NOSTRIN: variants seen among roughly 807,000 people sequenced by gnomAD.
The protein encoded by NOSTRIN is BM247 homolog.
Under a neutral mutation model 59.0 loss-of-function variants are expected in NOSTRIN, and 63 were observed. That is an observed-to-expected ratio of 1.07 (90% CI 0.87 to 1.32). The LOEUF is 1.32. Ranked by LOEUF, NOSTRIN falls within the 40% of genes most tolerant of loss-of-function variation. The probability of loss-of-function intolerance (pLI) is 0.00; values close to 1 mark genes in which losing one functional copy is unlikely to be tolerated. For missense variants in NOSTRIN, 512 were observed against 473.1 expected (o/e 1.08, Z -0.76); for synonymous variants, 200 against 165.4 (o/e 1.21, Z -1.61).
At chr2:168,856,905 G>A (rs1689159461) in intron 12 of NOSTRIN, 127 bp downstream of exon 12, 3 of 775,282 alleles carry the variant, frequency 3.9e-6, no homozygotes, top group Non-Finnish European at 6.4e-6. Flanking sequence ...TCTAGTGGGG[G>A]AGCTTATAGG....
intron 2 of NOSTRIN, among the ~76,000 whole-genome samples, chr2:168,814,433 G>T (rs146534884): frequency 4.6e-5 from 7 of 152,292 alleles, no homozygotes; most frequent in African/African-American, 1.4e-4. Context: ...CTAGAAATGC[G>T]CCTTGCCCTT....
At chr2:168,832,879 C>T (rs1215508676) in intron 6 of NOSTRIN, among the ~76,000 whole-genome samples, 2 of 152,078 alleles carry the variant, frequency 1.3e-5, no homozygotes, top group East Asian at 1.9e-4. Context: ...ACCTTGGCTT[C>T]CTAAAGTGTA....
intron 15 of NOSTRIN, chr2:168,863,410 G>T: frequency 2.0e-6 from 2 of 984,882 alleles, no homozygotes; most frequent in Non-Finnish European, 2.4e-6. Flanking sequence ...GTGAAAGGAA[G>T]ACTGAAAAAT....
rs780555701 is a variant in NOSTRIN at position 168,859,532 on chromosome 2, T to C, written c.1074T>C (p.Leu358=). Reference sequence around the variant, plus strand: ...CACAGAACAATTTGAAACTAGACCTTTTGGAAGCGAACTCCTACAAACTGT... The same window carrying C: ...CACAGAACAATTTGAAACTAGACCTCTTGGAAGCGAACTCCTACAAACTGT... ...LMDENNLKLD[L]LEANSYKLSS... is the part of the protein sequence containing the mutation. Residue 358 remains leucine, a synonymous_variant, in exon 13 of 16, where the codon CTT becomes CTC. Transcript: ENST00000317647. 2 of 1,614,054 alleles carry C rather than the reference T, an allele frequency of 1.2e-6. No individual in the cohort carries two copies. Among genetic ancestry groups the C allele is most frequent in the Non-Finnish European group, 1.7e-6 (2 of 1,179,976 alleles).
intron 7 of NOSTRIN, among the ~76,000 whole-genome samples, chr2:168,840,926 A>G (rs1035684923): frequency 6.6e-6 from 1 of 152,162 alleles, no homozygotes; most frequent in African/African-American, 2.4e-5. Context: ...TGTAATTTTT[A>G]CAAGCATTTC....
At chr2:168,860,997 A>G in intron 14 of NOSTRIN, 88 bp downstream of exon 14, 1 of 804,362 alleles carries the variant, frequency 1.2e-6, no homozygotes, top group Non-Finnish European at 2.2e-6. Context: ...AGCCACTTTG[A>G]CCTGTATCTG....
intron 2 of NOSTRIN, among the ~76,000 whole-genome samples, chr2:168,819,786 G>T (rs189012850): frequency 2.0e-5 from 3 of 152,234 alleles, no homozygotes; most frequent in Admixed American, 2.0e-4. Flanking sequence ...GCAGAGAAAG[G>T]GTACAATCGT....
At chr2:168,806,156 C>A (rs1366984872) in intron 1 of NOSTRIN, among the ~76,000 whole-genome samples, 1 of 152,118 alleles carries the variant, frequency 6.6e-6, no homozygotes, top group Non-Finnish European at 1.5e-5. Flanking sequence ...TCAGAACTCA[C>A]ATGATATCAG....
intron 2 of NOSTRIN, 44 bp downstream of exon 2, chr2:168,811,696 T>C: frequency 1.3e-6 from 1 of 770,866 alleles, no homozygotes; most frequent in South Asian, 1.6e-5. Flanking sequence ...CCTCTTTAGT[T>C]GTAGCAAGTG....
At chr2:168,799,446 C>T (rs1465854011), upstream of NOSTRIN, among the ~76,000 whole-genome samples, 1 of 152,186 alleles carries the variant, frequency 6.6e-6, no homozygotes, top group Admixed American at 6.5e-5. Flanking sequence ...TTCTCACATG[C>T]TCGGGGACAA....
Position 168,827,335 on chromosome 2 carries a change from C to G in NOSTRIN, c.198-823C>G, listed in dbSNP as rs1020586532. On this transcript the variant is annotated intron_variant, in intron 3 of 15. Coordinates refer to ENST00000317647, the MANE Select transcript of NOSTRIN (RefSeq NM_001039724.4). ...TCCTTTGTGTTAAAGTGAGATACTG[C>G]TCATGGGACCATTAACTATCTGAGC... Among the ~76,000 whole-genome samples, 8 of 152,262 alleles carry G rather than the reference C, an allele frequency of 5.3e-5. No individual in the cohort carries two copies. In the East Asian group the frequency reaches 1.4e-3, roughly 26 times the overall value.
chr2:168,836,496 C>CG (rs956245356), intron 7 of NOSTRIN, among the ~76,000 whole-genome samples: 3 of 152,152 alleles, frequency 2.0e-5, no homozygotes, highest in African/African-American at 4.8e-5. Context: ...AACACCCAAG[C>CG]GGGGGGCATT....
Position 168,859,575 on chromosome 2 carries a change from C to T in NOSTRIN, c.1117C>T (p.Leu373Phe). 5 of 1,614,110 alleles carry T rather than the reference C, an allele frequency of 3.1e-6. No homozygotes were observed. Among genetic ancestry groups the T allele is most frequent in the Non-Finnish European group, 3.4e-6 (4 of 1,180,010 alleles). ...CAAACTGTCATCAATGTTAGCAGAA[C>T]TTGAGCAAAGACCTCAACCCAGCCA... ...SYKLSSMLAE[L>F]EQRPQPSHPC... Residue 373 changes from leucine (L) to phenylalanine (F), a missense_variant, in exon 13 of 16, where the codon CTT becomes TTT. Leu to Phe is a conservative substitution (Grantham distance 22, BLOSUM62 0). Coordinates refer to ENST00000317647, the MANE Select transcript of NOSTRIN (RefSeq NM_001039724.4).
rs890367322 is a variant in NOSTRIN at position 168,856,791 on chromosome 2, C to T, written c.1053+13C>T. On this transcript the variant is annotated intron_variant, in intron 12 of 15. Coordinates refer to ENST00000317647, the MANE Select transcript of NOSTRIN (RefSeq NM_001039724.4). ...GTTAATGGATGAGGTAAATGTTTGC[C>T]GAGTGCATTTCCTAGATGTAGTGAT... The T allele has an allele frequency of 3.7e-6, 6 of 1,610,398 alleles. No individual in the cohort carries two copies. Among genetic ancestry groups the T allele is most frequent in the East Asian group, 2.2e-5 (1 of 44,854 alleles).
chr2:168,814,929 T>C (rs1160843971), intron 2 of NOSTRIN, among the ~76,000 whole-genome samples: 1 of 152,188 alleles, frequency 6.6e-6, no homozygotes, highest in Non-Finnish European at 1.5e-5. Flanking sequence ...TTTAAATAAA[T>C]GAAAGATAGT....
intron 8 of NOSTRIN, among the ~76,000 whole-genome samples, chr2:168,848,419 C>A (rs909668473): frequency 6.6e-6 from 1 of 152,158 alleles, no homozygotes; most frequent in Non-Finnish European, 1.5e-5. Context: ...GCCATGGGGG[C>A]GTGGCTCCAG....
rs116576282 is a variant in NOSTRIN at position 168,852,432 on chromosome 2, T to C, written c.855+1028T>C. ...GTCCTTCTGGGTCAAGCCTCAAAGA[T>C]TTTGGCCTCTGCTCCCCTCTTGATA... On this transcript the variant is annotated intron_variant, in intron 10 of 15. Transcript: ENST00000317647. 9.9e-3 allele frequency among the ~76,000 whole-genome samples: 1,506 copies of C among 152,294 alleles called. 23 individuals are homozygous for C. The highest frequency in any genetic ancestry group is 0.034 in the African/African-American group (1,433 of 41,562).
At chr2:168,853,398 AAT>A (rs1688887730) in intron 10 of NOSTRIN, among the ~76,000 whole-genome samples, 1 of 152,200 alleles carries the variant, frequency 6.6e-6, no homozygotes, top group Non-Finnish European at 1.5e-5. Flanking sequence ...GGTTACCATA[AAT>A]GCCATGTTCA....
chr2:168,852,954 G>A (rs113796303), intron 10 of NOSTRIN, among the ~76,000 whole-genome samples: 2,748 of 152,240 alleles, frequency 0.018, 90 homozygotes, highest in African/African-American at 0.062. Flanking sequence ...ATGGAAAAAT[G>A]TACAATAAAA....
Sources: gnomAD v4.1 joint callset for allele counts (sites outside exome capture counted in the v4.1 genomes callset) on GRCh38, gnomAD v4.1.1 for gene constraint, MANE v1.5 for transcripts, NCBI Gene and HGNC (gene_info 2026-07-23, HGNC 2026-07-21) for gene names.